SPAG16: variants seen among roughly 807,000 people sequenced by gnomAD.
The protein encoded by SPAG16 is sperm associated antigen 16, also known as sperm-associated antigen 16 protein.
Under a neutral mutation model 80.4 loss-of-function variants are expected in SPAG16, and 86 were observed. The observed-to-expected ratio is 1.07, with a 90% CI of 0.90 to 1.28. The LOEUF (loss-of-function observed/expected upper bound fraction) is 1.28, where lower values mean the gene tolerates loss of function less well. SPAG16 is among the 50% of genes most tolerant of loss of function. The pLI, the probability that SPAG16 is intolerant of heterozygous loss-of-function variation, is 0.00. For missense variants in SPAG16, 870 were observed against 765.3 expected (o/e 1.14, Z -1.61); for synonymous variants, 294 against 265.9 (o/e 1.11, Z -1.03).
rs559601077 is a variant in SPAG16 at position 213,883,986 on chromosome 2, G to A, written c.1214+21358G>A. 1.6e-4 allele frequency among the ~76,000 whole-genome samples: 24 copies of A among 152,224 alleles called. 2 individuals are homozygous for A. The highest frequency in any genetic ancestry group is 5.8e-4 in the African/African-American group (24 of 41,546). ...CCCACCACTCTCTGCCTTTTAAGTG[G>A]GGTGTTTAGCCCATTTACATTCGGG... is the stretch of plus-strand genomic sequence containing the variant. On this transcript the variant is annotated intron_variant, in intron 11 of 15. Transcript: ENST00000331683.
At chr2:214,362,519 T>C (rs1699245440) in intron 15 of SPAG16, among the ~76,000 whole-genome samples, 1 of 151,952 alleles carries the variant, frequency 6.6e-6, no homozygotes, top group African/African-American at 2.4e-5. Flanking sequence ...CACAATTCTT[T>C]TTTTCTTAAT....
At chr2:213,679,768 T>C (rs1025229264) in intron 10 of SPAG16, among the ~76,000 whole-genome samples, 3 of 152,162 alleles carry the variant, frequency 2.0e-5, no homozygotes, top group Non-Finnish European at 2.9e-5. Context: ...ATAAAGACTT[T>C]AAGTTTGATG....
chr2:214,098,020 A>C (rs1426433204), intron 13 of SPAG16, among the ~76,000 whole-genome samples: 1 of 152,050 alleles, frequency 6.6e-6, no homozygotes, highest in Non-Finnish European at 1.5e-5. Context: ...AGACCCAAGT[A>C]GTTTCGCTCC....
At chr2:214,099,915 A>T (rs1461226734) in intron 13 of SPAG16, among the ~76,000 whole-genome samples, 1 of 152,092 alleles carries the variant, frequency 6.6e-6, no homozygotes, top group African/African-American at 2.4e-5. Flanking sequence ...GTAAGCCCCT[A>T]AGATTTATGC....
chr2:214,133,363 G>T (rs2054882482), intron 14 of SPAG16, among the ~76,000 whole-genome samples: 1 of 152,040 alleles, frequency 6.6e-6, no homozygotes, highest in African/African-American at 2.4e-5. Flanking sequence ...GAGAAACTTT[G>T]CTGTAAAAAT....
At chr2:213,512,785 T>G (rs996115273) in intron 10 of SPAG16, among the ~76,000 whole-genome samples, 1 of 152,140 alleles carries the variant, frequency 6.6e-6, no homozygotes. Context: ...TCTCCAGGCA[T>G]TTCCTGCGTT....
In SPAG16 at chr2:213,284,509, G is replaced by T. The variant is rs752546147; in HGVS notation, c.26G>T (p.Ser9Ile). Residue 9 changes from serine to isoleucine, a missense_variant, in exon 1 of 16, where the codon AGC (serine) becomes ATC (isoleucine). Coordinates refer to ENST00000331683, the MANE Select transcript of SPAG16 (RefSeq NM_024532.5). MAAQRGMP[S>I]SAVRVLEEAL... ...ATGGCTGCTCAGCGAGGGATGCCCA[G>T]CTCCGCCGTGAGGGTCCTGGAAGAG... 4.1e-5 allele frequency: 64 copies of T among 1,578,898 alleles called. No homozygotes were observed. In the South Asian group the frequency reaches 7.4e-4, roughly 18 times the overall value.
At chr2:213,862,710 T>A in intron 11 of SPAG16, 82 bp downstream of exon 11, 1 of 1,488,254 alleles carries the variant, frequency 6.7e-7, no homozygotes, top group Non-Finnish European at 9.2e-7. Context: ...CTGCTGTCTT[T>A]GATGATGTTT....
chr2:213,340,117 G>T, intron 5 of SPAG16, 46 bp from the exon 6 acceptor site: 1 of 1,324,342 alleles, frequency 7.6e-7, no homozygotes, highest in Non-Finnish European at 1.1e-6. Context: ...ATAATTTTTC[G>T]AAAAAGAATT....
intron 10 of SPAG16, among the ~76,000 whole-genome samples, chr2:213,703,644 T>G (rs915354730): frequency 5.9e-5 from 9 of 152,164 alleles, no homozygotes; most frequent in Non-Finnish European, 1.5e-5. Context: ...AGACTCATTG[T>G]CCATCTGTGA....
intron 9 of SPAG16, among the ~76,000 whole-genome samples, chr2:213,395,870 T>G (rs1052345061): frequency 6.6e-6 from 1 of 152,252 alleles, no homozygotes; most frequent in Non-Finnish European, 1.5e-5. Context: ...TGAAATTGAT[T>G]TTTCATGTAG....
chr2:214,257,005 A>C (rs1005356518), intron 15 of SPAG16, among the ~76,000 whole-genome samples: 1 of 151,916 alleles, frequency 6.6e-6, no homozygotes, highest in African/African-American at 2.4e-5. Flanking sequence ...ATTTGGGCAT[A>C]ATTATATTTT....
intron 10 of SPAG16, among the ~76,000 whole-genome samples, chr2:213,534,863 A>C (rs1374303908): frequency 2.0e-5 from 3 of 152,234 alleles, no homozygotes; most frequent in African/African-American, 7.2e-5. Context: ...AATGTGACCG[A>C]ATTTGGAGAC....
intron 7 of SPAG16, among the ~76,000 whole-genome samples, chr2:213,355,276 A>G (rs1405784261): frequency 6.6e-6 from 1 of 152,160 alleles, no homozygotes; most frequent in Non-Finnish European, 1.5e-5. Context: ...GCCTTGTAGT[A>G]TAGTTTGAAG....
chr2:213,619,917 T>C (rs1050036440), intron 10 of SPAG16, among the ~76,000 whole-genome samples: 3 of 152,118 alleles, frequency 2.0e-5, no homozygotes, highest in Non-Finnish European at 4.4e-5. Flanking sequence ...AACCTAAATG[T>C]CCATCAACGG....
At chr2:213,541,624 A>G (rs922177007) in intron 10 of SPAG16, among the ~76,000 whole-genome samples, 12 of 152,194 alleles carry the variant, frequency 7.9e-5, no homozygotes, top group Non-Finnish European at 1.0e-4. Flanking sequence ...CATCTCAAAA[A>G]AGAAAAAAAT....
rs975723591 is a variant in SPAG16 at position 213,387,534 on chromosome 2, A to G, written c.942+12415A>G. Among the ~76,000 whole-genome samples the G allele has an allele frequency of 9.4e-4, 38 of 40,572 alleles. 3 individuals carry two copies. The highest frequency in any genetic ancestry group is 3.2e-3 in the African/African-American group (32 of 9,998). 26.6% of individuals were successfully genotyped at this position (40,572 alleles called of 152,430 possible). On this transcript the variant is annotated intron_variant, in intron 9 of 15. Transcript: ENST00000331683. ...CAGTGGCGGGATCTCGGCTCACTGC[A>G]AGCTCCGCCTCCCGGGTTCACGCCA...
chr2:214,037,878 TGTGTGTGTGTG>T (rs2048790914), intron 13 of SPAG16, among the ~76,000 whole-genome samples: 2 of 146,284 alleles, frequency 1.4e-5, no homozygotes, highest in African/African-American at 2.5e-5. Context: ...TGTGTGTGTG[TGTGTGTGTGTG>T]TGTGTGTGTG....
At chr2:214,265,413 G>A (rs1691491006) in intron 15 of SPAG16, among the ~76,000 whole-genome samples, 1 of 152,012 alleles carries the variant, frequency 6.6e-6, no homozygotes, top group African/African-American at 2.4e-5. Flanking sequence ...CTTTGATGGT[G>A]TGTCTGTGCA....
Sources: allele counts gnomAD v4.1 joint callset (sites outside exome capture counted in the v4.1 genomes callset), GRCh38; gene constraint gnomAD v4.1.1; transcripts MANE v1.5; gene names NCBI Gene and HGNC (gene_info 2026-07-23, HGNC 2026-07-21).